ZSWIM5: variants seen among roughly 807,000 people sequenced by gnomAD.
The protein encoded by ZSWIM5 is zinc finger SWIM-type containing 5.
In ZSWIM5, 55 loss-of-function variants were observed where a neutral mutation model predicts 119.6. That is an observed-to-expected ratio of 0.46 (90% CI 0.37 to 0.58). The LOEUF is 0.58. Among genes scored for constraint, ZSWIM5 ranks in the 20% least tolerant of loss-of-function variants. ZSWIM5 has a pLI of 0.00. For missense variants in ZSWIM5, 1,193 were observed against 1,512.8 expected, an observed-to-expected ratio of 0.79 and a Z score of 3.51; for synonymous variants, 537 against 606.9, an observed-to-expected ratio of 0.88 and a Z score of 1.69.
chr1:45,137,138 G>T (rs1645694879), intron 1 of ZSWIM5, among the ~76,000 whole-genome samples: 1 of 152,042 alleles, frequency 6.6e-6, no homozygotes, highest in Non-Finnish European at 1.5e-5. Context: ...AGAGGGCAAA[G>T]GTGCAATCAT....
At chr1:45,102,560 T>C (rs958866013) in intron 1 of ZSWIM5, among the ~76,000 whole-genome samples, 1 of 152,228 alleles carries the variant, frequency 6.6e-6, no homozygotes, top group East Asian at 1.9e-4. Flanking sequence ...AAGGGAGTTA[T>C]GTATATCTTT....
In ZSWIM5 at chr1:45,206,326, C is replaced by G; in HGVS notation, c.25G>C (p.Glu9Gln). The G allele has an allele frequency of 6.6e-7, 1 of 1,505,320 alleles. No individual in the cohort carries two copies. Among genetic ancestry groups the G allele is most frequent in the Non-Finnish European group, 8.9e-7 (1 of 1,126,384 alleles). 93.2% of individuals were successfully genotyped at this position (1,505,320 alleles called of 1,614,324 possible). A position where few individuals can be genotyped will look rare whatever the true frequency, so the allele number is the denominator to read the frequency against. Reference protein sequence around the residue: MADGGEREELLSPSPVSPA... With the variant: MADGGEREQLLSPSPVSPA... ...GAGACCGGTGACGGCGAGAGCAGCT[C>G]CTCTCGCTCACCTCCGTCCGCCATT... Residue 9 changes from glutamate to glutamine, a missense_variant, in exon 1 of 14, where the codon GAG (glutamate) becomes CAG (glutamine). Physicochemically the swap from Glu to Gln is conservative, Grantham distance 29. Around this residue, in one of 2 missense-constraint regions of ZSWIM5, gnomAD observed 232 missense variants for 222.9 expected, o/e 1.04. Transcript: ENST00000359600.
At chr1:45,129,152 T>C (rs1399280377) in intron 1 of ZSWIM5, among the ~76,000 whole-genome samples, 2 of 145,868 alleles carry the variant, frequency 1.4e-5, no homozygotes, top group Non-Finnish European at 3.0e-5. Context: ...ACATACATCT[T>C]GTTTTTTTTT....
intron 1 of ZSWIM5, among the ~76,000 whole-genome samples, chr1:45,126,789 T>C (rs965370796): frequency 1.2e-4 from 19 of 152,110 alleles, no homozygotes; most frequent in African/African-American, 4.3e-4. Flanking sequence ...TAATTGCTTA[T>C]AGAAATGTAA....
chr1:45,127,457 T>A (rs895550994), intron 1 of ZSWIM5, among the ~76,000 whole-genome samples: 10 of 151,192 alleles, frequency 6.6e-5, no homozygotes, highest in Non-Finnish European at 1.3e-4. Context: ...TTTTTTTTTT[T>A]AAAAGAGACA....
intron 1 of ZSWIM5, among the ~76,000 whole-genome samples, chr1:45,105,677 C>T (rs1169103609): frequency 5.4e-5 from 8 of 148,940 alleles, no homozygotes; most frequent in Non-Finnish European, 1.2e-4. Flanking sequence ...CCAGCTGCCC[C>T]GAATGGGAAG....
Position 45,206,582 on chromosome 1 carries a change from C to T in ZSWIM5, c.-232G>A, listed in dbSNP as rs1646194283. On this transcript the variant is annotated 5_prime_UTR_variant, in exon 1 of 14. Coordinates refer to ENST00000359600, the MANE Select transcript of ZSWIM5 (RefSeq NM_020883.2). Reference sequence around the variant, plus strand: ...GGTAGCGTGAGGCGGCGCGCGGTGTCCTGGCCGCCGCGGACGCGAAGACAG... The same window carrying T: ...GGTAGCGTGAGGCGGCGCGCGGTGTTCTGGCCGCCGCGGACGCGAAGACAG... 2.0e-6 allele frequency: 2 copies of T among 976,136 alleles called. No homozygotes were observed. Among genetic ancestry groups the T allele is most frequent in the Non-Finnish European group, 1.2e-6 (1 of 820,424 alleles). 60.5% of individuals were successfully genotyped at this position (976,136 alleles called of 1,614,324 possible).
chr1:45,039,249 G>T (rs985830503), intron 7 of ZSWIM5, among the ~76,000 whole-genome samples, 176 bp from the exon 8 acceptor site: 1 of 152,196 alleles, frequency 6.6e-6, no homozygotes, highest in African/African-American at 2.4e-5. Context: ...CAGCTATAAG[G>T]TCACGTGGTC....
intron 2 of ZSWIM5, among the ~76,000 whole-genome samples, chr1:45,082,324 TAA>T (rs1206680164): frequency 2.5e-5 from 3 of 118,586 alleles, no homozygotes; most frequent in African/African-American, 6.3e-5. Context: ...AATGATCAAT[TAA>T]AAAAAAAAAA....
At chr1:45,165,872 G>A (rs551460260) in intron 1 of ZSWIM5, among the ~76,000 whole-genome samples, 5 of 152,008 alleles carry the variant, frequency 3.3e-5, no homozygotes, top group South Asian at 4.2e-4. Flanking sequence ...ATTCACAGCC[G>A]AATTCTATCA....
chr1:45,204,320 T>C (rs1646174264), intron 1 of ZSWIM5, among the ~76,000 whole-genome samples: 1 of 152,174 alleles, frequency 6.6e-6, no homozygotes, highest in Non-Finnish European at 1.5e-5. Flanking sequence ...AGGAAAATGA[T>C]TGTATTTATT....
intron 4 of ZSWIM5, among the ~76,000 whole-genome samples, chr1:45,053,208 A>T (rs1332943557): frequency 6.6e-6 from 1 of 152,092 alleles, no homozygotes; most frequent in Admixed American, 6.6e-5. Flanking sequence ...TTTATTTTAC[A>T]GTTTAAGAAG....
chr1:45,150,189 A>G (rs1007483065), intron 1 of ZSWIM5, among the ~76,000 whole-genome samples: 1 of 151,000 alleles, frequency 6.6e-6, no homozygotes, highest in African/African-American at 2.4e-5. Context: ...AAAAAAAAAA[A>G]AAGAAAAAGA....
intron 7 of ZSWIM5, 102 bp from the exon 8 acceptor site, chr1:45,039,175 G>T: frequency 7.2e-7 from 1 of 1,396,414 alleles, no homozygotes; most frequent in Non-Finnish European, 9.8e-7. Flanking sequence ...GACCCTGAGA[G>T]TCAAATAAAA....
chr1:45,018,739 G>A lies in ZSWIM5; in HGVS notation c.3273C>T (p.Ile1091=). 1 of 1,614,260 alleles carries A rather than the reference G, an allele frequency of 6.2e-7. No individual in the cohort carries two copies. The highest frequency in any genetic ancestry group is 8.5e-7 in the Non-Finnish European group (1 of 1,180,044). ...CTVTAPGLAG[I]PGRRSSGKLM... ...GCTTTCCAGAGCTTCGGCGGCCTGG[G>A]ATGCCGGCCAGGCCAGGTGCAGTCA... is the stretch of plus-strand genomic sequence containing the variant. The change falls in exon 14 of 14, where the codon ATC becomes ATT. Residue 1091 remains isoleucine (I), a synonymous_variant. Coordinates refer to ENST00000359600, the MANE Select transcript of ZSWIM5 (RefSeq NM_020883.2). The surrounding 1 kb of genome is among the most constrained non-coding windows in gnomAD (Gnocchi z 6.7).
chr1:45,062,169 C>G (rs1375199087), intron 2 of ZSWIM5, among the ~76,000 whole-genome samples: 1 of 152,178 alleles, frequency 6.6e-6, no homozygotes, highest in Admixed American at 6.5e-5. Flanking sequence ...TATTCTGTGA[C>G]AAGTTTTTAG....
At chr1:45,046,664 A>G (rs199809432) in intron 5 of ZSWIM5, among the ~76,000 whole-genome samples, 22 of 98,478 alleles carry the variant, frequency 2.2e-4, no homozygotes, top group Middle Eastern at 4.5e-3. Context: ...GTGTGTGTGT[A>G]TACACATATA....
At chr1:45,082,607 G>A (rs958994773) in intron 2 of ZSWIM5, among the ~76,000 whole-genome samples, 2 of 152,116 alleles carry the variant, frequency 1.3e-5, no homozygotes, top group Non-Finnish European at 2.9e-5. Flanking sequence ...GCTTATACCA[G>A]TACTGGTTAC....
chr1:45,103,131 G>T (rs1202588742), intron 1 of ZSWIM5, among the ~76,000 whole-genome samples: 1 of 152,142 alleles, frequency 6.6e-6, no homozygotes, highest in Non-Finnish European at 1.5e-5. Flanking sequence ...GCCTCCCAAA[G>T]TGCTGAGATT....
Sources: allele counts gnomAD v4.1 joint callset (sites outside exome capture counted in the v4.1 genomes callset), GRCh38; gene constraint gnomAD v4.1.1; regional missense constraint gnomAD v4.1.1; non-coding constraint Gnocchi (gnomAD v3.1); transcripts MANE v1.5; gene names NCBI Gene and HGNC (gene_info 2026-07-23, HGNC 2026-07-21).